PAX3: variants seen among roughly 807,000 people sequenced by gnomAD.
PAX3 encodes the protein paired box 3.
Under a neutral mutation model 51.6 loss-of-function variants are expected in PAX3, and 14 were observed. The ratio of observed to expected loss-of-function variants is 0.27; its 90% CI spans 0.18 to 0.42. The LOEUF (loss-of-function observed/expected upper bound fraction) is 0.42. Among genes scored for constraint, PAX3 ranks in the 10% least tolerant of loss-of-function variants. The pLI is 1.00. For missense variants in PAX3, 540 were observed against 642.8 expected, an observed-to-expected ratio of 0.84 and a Z score of 1.73; for synonymous variants, 280 against 253.4, an observed-to-expected ratio of 1.11 and a Z score of -1.00.
At chr2:222,241,839 C>T (rs1028613427) in intron 4 of PAX3, among the ~76,000 whole-genome samples, 2 of 152,142 alleles carry the variant, frequency 1.3e-5, no homozygotes, top group Non-Finnish European at 2.9e-5. Context: ...ATATGCATTT[C>T]TAAGATGTTA....
chr2:222,288,298 T>C (rs1159908188), intron 4 of PAX3, among the ~76,000 whole-genome samples: 1 of 152,250 alleles, frequency 6.6e-6, no homozygotes, highest in Non-Finnish European at 1.5e-5. Context: ...CATATCTTCA[T>C]TTTGTGCAAC....
rs1415433944 is a variant in PAX3 at position 222,201,815 on chromosome 2, T to A, written c.1420+129A>T. 8 of 1,546,114 alleles carry A rather than the reference T, an allele frequency of 5.2e-6. No homozygotes were observed. In the East Asian group the frequency reaches 1.9e-4, roughly 36 times the overall value. On this transcript the variant is annotated intron_variant, in intron 8 of 8. Coordinates refer to ENST00000392070, the MANE Select transcript of PAX3 (RefSeq NM_181458.4). ...CCCTGCTGGAACAGTCAGCTGGCTT[T>A]GCAAAAAAAAAAAAAAATTGATACC... is the stretch of plus-strand genomic sequence containing the variant.
rs1452209371 is a variant in PAX3, at chr2:222,247,662, TG to T, written c.587-15380del. Among the ~76,000 whole-genome samples the T allele has an allele frequency of 3.3e-5, 5 of 152,286 alleles. No individual in the cohort carries two copies. In the East Asian group the frequency reaches 9.6e-4, roughly 29 times the overall value. ...CACATGATCAACTCATTTTTTTCTG[TG>T]GATCTATAGGTGAATTTACTCCTAT... On this transcript the variant is annotated intron_variant, in intron 4 of 8. Coordinates refer to ENST00000392070, the MANE Select transcript of PAX3 (RefSeq NM_181458.4).
intron 5 of PAX3, chr2:222,221,596 A>G (rs1692194824): frequency 1.9e-6 from 1 of 537,972 alleles, no homozygotes; most frequent in African/African-American, 1.9e-5. Flanking sequence ...TCAGGGACCC[A>G]CCATGATCTT....
chr2:222,277,898 C>A (rs1355400856), intron 4 of PAX3, among the ~76,000 whole-genome samples: 3 of 144,710 alleles, frequency 2.1e-5, no homozygotes, highest in Non-Finnish European at 3.0e-5. Context: ...CATGCCACTG[C>A]ACTCCAGCCT....
intron 4 of PAX3, among the ~76,000 whole-genome samples, chr2:222,285,510 T>C (rs1694802089): frequency 6.6e-6 from 1 of 152,230 alleles, no homozygotes; most frequent in Admixed American, 6.5e-5. Context: ...TATATGCACA[T>C]TTAGCATATC....
chr2:222,265,129 GA>G (rs1277722203), intron 4 of PAX3: 1 of 152,160 alleles, frequency 6.6e-6, no homozygotes, highest in African/African-American at 2.4e-5. Flanking sequence ...ATAGGTTCTG[GA>G]AAAGAGAGAA....
chr2:222,252,424 G>T (rs1248375743), intron 4 of PAX3, among the ~76,000 whole-genome samples: 1 of 152,106 alleles, frequency 6.6e-6, no homozygotes. Flanking sequence ...AAAAAACGAG[G>T]CTCAGAGAGG....
At chr2:222,294,112 G>A in intron 4 of PAX3, 55 bp downstream of exon 4, 1 of 1,611,868 alleles carries the variant, frequency 6.2e-7, no homozygotes, top group South Asian at 1.1e-5. Flanking sequence ...ATGTCAGCTA[G>A]CCGATGCCCT....
intron 4 of PAX3, among the ~76,000 whole-genome samples, chr2:222,248,085 A>T (rs576339740): frequency 6.6e-6 from 1 of 152,196 alleles, no homozygotes; most frequent in African/African-American, 2.4e-5. Flanking sequence ...TTATTCACAA[A>T]TTTTTTTCAC....
At chr2:222,232,381 C>CA in intron 4 of PAX3, 98 bp from the exon 5 acceptor site, 1 of 997,738 alleles carries the variant, frequency 1.0e-6, no homozygotes. Flanking sequence ...GACACCATTA[C>CA]AGTGATCCCT....
At chr2:222,270,400 G>A (rs977555280) in intron 4 of PAX3, among the ~76,000 whole-genome samples, 5 of 152,182 alleles carry the variant, frequency 3.3e-5, no homozygotes, top group Non-Finnish European at 5.9e-5. Flanking sequence ...GTACAAGGGA[G>A]GTCCTTGTTC....
intron 4 of PAX3, among the ~76,000 whole-genome samples, chr2:222,276,103 G>A (rs1242110834): frequency 6.6e-6 from 1 of 152,212 alleles, no homozygotes; most frequent in Non-Finnish European, 1.5e-5. Context: ...GACACAGGAA[G>A]AAATCGTCCA....
intron 5 of PAX3, 103 bp from the exon 6 acceptor site, chr2:222,221,490 G>T: frequency 9.2e-7 from 1 of 1,081,148 alleles, no homozygotes. Flanking sequence ...TTACTGAAAG[G>T]GCAAATAGAT....
intron 4 of PAX3, among the ~76,000 whole-genome samples, chr2:222,261,771 T>G (rs1693870465): frequency 6.6e-6 from 1 of 152,212 alleles, no homozygotes; most frequent in African/African-American, 2.4e-5. Context: ...TGCTTACAAC[T>G]ATATAAATTA....
At chr2:222,289,069 G>A (rs772747890) in intron 4 of PAX3, among the ~76,000 whole-genome samples, 7 of 152,242 alleles carry the variant, frequency 4.6e-5, no homozygotes, top group Non-Finnish European at 1.0e-4. Flanking sequence ...AGAGCAGCCA[G>A]TGAGATAAGA....
intron 4 of PAX3, among the ~76,000 whole-genome samples, chr2:222,271,389 G>A (rs1381371213): frequency 6.6e-6 from 1 of 152,198 alleles, no homozygotes; most frequent in Non-Finnish European, 1.5e-5. Context: ...TCCTCAGGAT[G>A]CTATGGTCAT....
intron 3 of PAX3, among the ~76,000 whole-genome samples, chr2:222,294,828 G>T (rs1403454065): frequency 3.4e-5 from 4 of 118,836 alleles, no homozygotes; most frequent in African/African-American, 9.7e-5. Flanking sequence ...TTTTTTTAAG[G>T]CTATAAAGGG....
At chr2:222,227,660 T>G (rs1692435227) in intron 5 of PAX3, among the ~76,000 whole-genome samples, 1 of 152,150 alleles carries the variant, frequency 6.6e-6, no homozygotes, top group Admixed American at 6.6e-5. Flanking sequence ...ACTTGAATGT[T>G]TGTCATTATT....
Sources: allele counts gnomAD v4.1 joint callset (sites outside exome capture counted in the v4.1 genomes callset), GRCh38; gene constraint gnomAD v4.1.1; transcripts MANE v1.5; gene names NCBI Gene and HGNC (gene_info 2026-07-23, HGNC 2026-07-21).